SCN9A: variants seen among roughly 807,000 people sequenced by gnomAD.
SCN9A encodes sodium channel protein type 9 subunit alpha.
SCN9A carries 131 observed loss-of-function variants against 187.0 expected under a neutral mutation model. The ratio of observed to expected loss-of-function variants is 0.70; its 90% CI spans 0.61 to 0.81. SCN9A has a LOEUF of 0.81. Ranked by LOEUF, SCN9A falls within the 30% of genes least tolerant of loss-of-function variation. SCN9A has a pLI of 0.00. For missense variants in SCN9A, 2,252 were observed against 2,396.6 expected, an observed-to-expected ratio of 0.94 and a Z score of 1.26; for synonymous variants, 809 against 808.6, an observed-to-expected ratio of 1.00 and a Z score of -0.01.
At position 166,333,401 on chromosome 2, in the gene SCN9A, T is replaced by G. The variant is rs1000896171; in HGVS notation, c.-50-21595A>C. On this transcript the variant is annotated intron_variant, in intron 1 of 26. Transcript: ENST00000642356. Reference sequence around the variant, plus strand: ...TATAAAATTCCTTATAGTTAAAGCCTATGTTCCCCCTACAATGTAACATGT... The same window carrying G: ...TATAAAATTCCTTATAGTTAAAGCCGATGTTCCCCCTACAATGTAACATGT... Among the ~76,000 whole-genome samples the G allele has an allele frequency of 2.0e-5, 3 of 152,126 alleles. No homozygotes were observed. The East Asian group carries it at 5.8e-4, about 29-fold the overall frequency.
At chr2:166,296,054 T>C (rs1221122822) in intron 7 of SCN9A, 1 of 152,206 alleles carries the variant, frequency 6.6e-6, no homozygotes, top group East Asian at 1.9e-4. Context: ...ATTGGGAGAC[T>C]TTTGGAGTAA....
intron 17 of SCN9A, among the ~76,000 whole-genome samples, chr2:166,258,611 A>T (rs1361972347): frequency 6.6e-6 from 1 of 151,648 alleles, no homozygotes; most frequent in African/African-American, 2.4e-5. Flanking sequence ...CAAAGTTTAT[A>T]CTAGAAGCAG....
chr2:166,375,443 C>A (rs1031631886), intron 1 of SCN9A, among the ~76,000 whole-genome samples: 4 of 152,220 alleles, frequency 2.6e-5, no homozygotes, highest in Non-Finnish European at 5.9e-5. Flanking sequence ...TGGCAGCAAA[C>A]CCACAGAGTC....
chr2:166,278,879 C>A (rs1697354244), intron 14 of SCN9A, among the ~76,000 whole-genome samples: 1 of 152,150 alleles, frequency 6.6e-6, no homozygotes, highest in East Asian at 1.9e-4. Flanking sequence ...ATTCATGATA[C>A]TGGTATCAAA....
intron 17 of SCN9A, among the ~76,000 whole-genome samples, chr2:166,265,682 T>A (rs928771911): frequency 2.0e-5 from 3 of 151,994 alleles, no homozygotes; most frequent in African/African-American, 4.8e-5. Context: ...ATTCTCACAA[T>A]CAGTGTGTAA....
chr2:166,246,468 G>A (rs998397779), intron 18 of SCN9A, among the ~76,000 whole-genome samples: 21 of 151,698 alleles, frequency 1.4e-4, no homozygotes, highest in Middle Eastern at 3.3e-3. Flanking sequence ...GAGAACATTC[G>A]ATAAAATGAT....
intron 24 of SCN9A, among the ~76,000 whole-genome samples, chr2:166,213,516 A>G (rs1426315561): frequency 6.7e-6 from 1 of 149,386 alleles, no homozygotes; most frequent in Non-Finnish European, 1.5e-5. Flanking sequence ...GTAACTCCCA[A>G]AAAAGAAATG....
intron 14 of SCN9A, among the ~76,000 whole-genome samples, chr2:166,279,552 T>C (rs973321292): frequency 6.6e-6 from 1 of 152,174 alleles, no homozygotes; most frequent in Non-Finnish European, 1.5e-5. Context: ...AATTGGATCT[T>C]ATATCTTCCA....
At chr2:166,280,794 G>A (rs867446832) in intron 13 of SCN9A, among the ~76,000 whole-genome samples, 199 bp from the exon 14 acceptor site, 1 of 152,218 alleles carries the variant, frequency 6.6e-6, no homozygotes, top group South Asian at 2.1e-4. Flanking sequence ...TGAAGCATAA[G>A]AGAGGGTAAG....
intron 1 of SCN9A, among the ~76,000 whole-genome samples, chr2:166,320,957 T>C (rs1699223255): frequency 6.6e-6 from 1 of 152,174 alleles, no homozygotes; most frequent in African/African-American, 2.4e-5. Flanking sequence ...TAAGTAATGC[T>C]GAAATAAAAG....
At chr2:166,252,550 T>C (rs932346749) in intron 17 of SCN9A, among the ~76,000 whole-genome samples, 2 of 151,832 alleles carry the variant, frequency 1.3e-5, no homozygotes, top group Non-Finnish European at 2.9e-5. Flanking sequence ...CATTTTAGTA[T>C]ATAGTAGAAA....
At chr2:166,276,861 T>C in intron 16 of SCN9A, 122 bp downstream of exon 16, 1 of 778,840 alleles carries the variant, frequency 1.3e-6, no homozygotes, top group East Asian at 3.4e-5. Context: ...AAATTATCAC[T>C]ATTCTTTTGC....
At chr2:166,242,442 A>C in intron 19 of SCN9A, 60 bp downstream of exon 19, 1 of 1,333,154 alleles carries the variant, frequency 7.5e-7, no homozygotes, top group Admixed American at 2.6e-5. Context: ...TTTATCTTTT[A>C]GCTCATTTTA....
At chr2:166,287,522 C>G (rs1361769334) in intron 10 of SCN9A, among the ~76,000 whole-genome samples, 6 of 152,032 alleles carry the variant, frequency 3.9e-5, no homozygotes, top group Non-Finnish European at 7.4e-5. Flanking sequence ...AAATGCTGCA[C>G]TGAATATTTG....
At chr2:166,285,079 G>A in intron 11 of SCN9A, among the ~76,000 whole-genome samples, 1 of 152,162 alleles carries the variant, frequency 6.6e-6, no homozygotes, top group Non-Finnish European at 1.5e-5. Flanking sequence ...TTCTGGCCTA[G>A]AGTTACTGCT....
chr2:166,261,902 G>T (rs751969500), intron 17 of SCN9A, among the ~76,000 whole-genome samples: 41 of 151,842 alleles, frequency 2.7e-4, no homozygotes, highest in Non-Finnish European at 4.7e-4. Flanking sequence ...GAACACAAAG[G>T]TTCAAAGAGA....
chr2:166,239,145 A>G (rs1437834417), intron 19 of SCN9A, among the ~76,000 whole-genome samples: 1 of 151,876 alleles, frequency 6.6e-6, no homozygotes, highest in African/African-American at 2.4e-5. Context: ...AAGGACTGAA[A>G]AATTGGGCTC....
rs2106479986 is a variant in SCN9A at position 166,282,628 on chromosome 2, T to G, written c.1975-820A>C. Among the ~76,000 whole-genome samples the G allele has an allele frequency of 1.3e-5, 2 of 152,212 alleles. 1 individual carries two copies. Among genetic ancestry groups the G allele is most frequent in the Non-Finnish European group, 2.9e-5 (2 of 67,982 alleles). On this transcript the variant is annotated intron_variant, in intron 12 of 26. Transcript: ENST00000642356. Reference sequence around the variant, plus strand: ...CAACTATACAACTCTAGATCTATCATGTTTGTCTGCTTGTGTGTGGTATGT... The same window carrying G: ...CAACTATACAACTCTAGATCTATCAGGTTTGTCTGCTTGTGTGTGGTATGT...
intron 15 of SCN9A, 148 bp downstream of exon 15, chr2:166,277,992 T>C: frequency 1.7e-6 from 1 of 595,280 alleles, no homozygotes. Flanking sequence ...TTTAAGTGCA[T>C]TTGTCAATGA....
Sources: gnomAD v4.1 joint callset for allele counts (sites outside exome capture counted in the v4.1 genomes callset) on GRCh38, gnomAD v4.1.1 for gene constraint, MANE v1.5 for transcripts, NCBI Gene and HGNC (gene_info 2026-07-23, HGNC 2026-07-21) for gene names.